SLC37A3: variants seen among roughly 807,000 people sequenced by gnomAD.
The protein encoded by SLC37A3 is sugar phosphate exchanger 3.
SLC37A3 carries 51 observed loss-of-function variants against 67.1 expected under a neutral mutation model. The observed-to-expected ratio is 0.76, with a 90% CI of 0.61 to 0.96. The LOEUF is 0.96. SLC37A3 is among the 40% of genes least tolerant of loss of function. SLC37A3 has a pLI of 0.00. For synonymous variants in SLC37A3, 214 were observed against 231.4 expected, an observed-to-expected ratio of 0.92 and a Z score of 0.68; for missense variants, 508 against 603.0, an observed-to-expected ratio of 0.84 and a Z score of 1.65.
intron 9 of SLC37A3, among the ~76,000 whole-genome samples, chr7:140,350,043 A>G (rs1418639238): frequency 7.2e-5 from 11 of 152,192 alleles, no homozygotes; most frequent in Admixed American, 7.2e-4. Flanking sequence ...GGAGGCACTG[A>G]CAGAAGGGGA....
chr7:140,354,192 C>A (rs575554259), intron 7 of SLC37A3, among the ~76,000 whole-genome samples: 34 of 152,196 alleles, frequency 2.2e-4, no homozygotes, highest in Non-Finnish European at 4.0e-4. Flanking sequence ...AATAAAGAAT[C>A]TTGTAGATGC....
At chr7:140,345,700 T>C (rs988477287) in intron 11 of SLC37A3, among the ~76,000 whole-genome samples, 169 bp downstream of exon 11, 7 of 152,108 alleles carry the variant, frequency 4.6e-5, no homozygotes, top group Admixed American at 4.6e-4. Flanking sequence ...AATAAAACTA[T>C]GTGATGACAG....
intron 6 of SLC37A3, among the ~76,000 whole-genome samples, chr7:140,357,330 A>G (rs1320139418): frequency 6.6e-6 from 1 of 152,216 alleles, no homozygotes; most frequent in Admixed American, 6.5e-5. Context: ...TTGTACACAA[A>G]TGTTCCCAGG....
intron 3 of SLC37A3, among the ~76,000 whole-genome samples, chr7:140,373,939 G>C (rs1003750312): frequency 6.6e-6 from 1 of 151,968 alleles, no homozygotes; most frequent in African/African-American, 2.4e-5. Context: ...TTTTGAAAAA[G>C]TCATTTTTCA....
At chr7:140,369,441 G>C in intron 4 of SLC37A3, 149 bp downstream of exon 4, 2 of 593,122 alleles carry the variant, frequency 3.4e-6, no homozygotes, top group Non-Finnish European at 5.9e-6. Flanking sequence ...ATGAATAAAT[G>C]AATGGGAAGA....
chr7:140,371,581 C>G (rs1441682259), intron 3 of SLC37A3, among the ~76,000 whole-genome samples: 2 of 152,110 alleles, frequency 1.3e-5, no homozygotes, highest in East Asian at 3.9e-4. Context: ...GAATAAGAAC[C>G]AAGTCTTACA....
At chr7:140,335,619 GA>G in intron 14 of SLC37A3, 115 bp from the exon 15 acceptor site, 1 of 1,266,142 alleles carries the variant, frequency 7.9e-7, no homozygotes, top group Non-Finnish European at 1.1e-6. Context: ...TTCATACAAA[GA>G]TAATGTTTAA....
intron 14 of SLC37A3, among the ~76,000 whole-genome samples, chr7:140,335,953 C>T (rs1454479874): frequency 6.6e-6 from 1 of 152,174 alleles, no homozygotes; most frequent in African/African-American, 2.4e-5. Context: ...ATGAAAGCTC[C>T]AAGGTATTCC....
chr7:140,346,017 G>A lies in SLC37A3; in HGVS notation c.1025-47C>T, dbSNP rs200290548. ...ATCAAAATCACTTCTAATTTAGCTC[G>A]CTCACCTGAGGCGTGCTCCCCATTT... On this transcript the variant is annotated intron_variant, in intron 10 of 14. Transcript: ENST00000326232. 59 of 1,397,114 alleles carry A rather than the reference G, an allele frequency of 4.2e-5. No individual in the cohort carries two copies. The Admixed American group carries it at 7.1e-4, about 17-fold the overall frequency. The allele number at this position is 1,397,114 out of a possible 1,614,324, so 86.5% of individuals were successfully genotyped here.
chr7:140,369,323 C>T (rs1308235666), intron 4 of SLC37A3, among the ~76,000 whole-genome samples: 3 of 152,184 alleles, frequency 2.0e-5, no homozygotes, highest in Non-Finnish European at 4.4e-5. Context: ...TACTGTCTGT[C>T]TCCCCTAACT....
chr7:140,345,802 A>C (rs935764353), intron 11 of SLC37A3, 67 bp downstream of exon 11: 1 of 1,308,200 alleles, frequency 7.6e-7, no homozygotes, highest in African/African-American at 1.4e-5. Flanking sequence ...CACTGACTCC[A>C]AACAAATGCC....
intron 13 of SLC37A3, among the ~76,000 whole-genome samples, chr7:140,341,964 G>T (rs1254846555): frequency 2.0e-5 from 3 of 152,120 alleles, no homozygotes; most frequent in Non-Finnish European, 4.4e-5. Flanking sequence ...CTTTGCTAAG[G>T]TTTTTGTTTC....
chr7:140,366,681 A>C (rs1322667045), intron 4 of SLC37A3, among the ~76,000 whole-genome samples: 2 of 152,148 alleles, frequency 1.3e-5, no homozygotes, highest in Non-Finnish European at 2.9e-5. Context: ...GCTCGAAGAG[A>C]AGCGAGCACC....
chr7:140,388,672 G>T (rs368655101), intron 1 of SLC37A3, among the ~76,000 whole-genome samples: 1 of 151,956 alleles, frequency 6.6e-6, no homozygotes, highest in Admixed American at 6.6e-5. Context: ...TTAGTTGGGC[G>T]TGGTAGCGGG....
intron 3 of SLC37A3, chr7:140,379,139 A>T (rs1798148064): frequency 6.6e-6 from 1 of 152,110 alleles, no homozygotes; most frequent in Admixed American, 6.6e-5. Flanking sequence ...CCAGCCTGGG[A>T]AACACGGCAA....
intron 4 of SLC37A3, among the ~76,000 whole-genome samples, chr7:140,367,307 T>C (rs1028198259): frequency 9.9e-5 from 15 of 151,544 alleles, no homozygotes; most frequent in Non-Finnish European, 1.8e-4. Flanking sequence ...CATGATGGTG[T>C]GCACCTGTAA....
chr7:140,357,991 A>C (rs536609807), intron 6 of SLC37A3, among the ~76,000 whole-genome samples: 9 of 151,256 alleles, frequency 6.0e-5, no homozygotes, highest in African/African-American at 1.7e-4. Flanking sequence ...CAGGAGAATC[A>C]CTTGAACCCC....
At chr7:140,335,631 T>A (rs1489398287) in intron 14 of SLC37A3, 127 bp from the exon 15 acceptor site, 34 of 1,167,576 alleles carry the variant, frequency 2.9e-5, no homozygotes, top group Non-Finnish European at 4.0e-5. Flanking sequence ...TAATGTTTAA[T>A]CTTCAATGAA....
intron 3 of SLC37A3, 21 bp from the exon 4 acceptor site, chr7:140,369,703 C>A: frequency 6.2e-7 from 1 of 1,604,072 alleles, no homozygotes; most frequent in Non-Finnish European, 8.5e-7. Flanking sequence ...ACAGCAGGAA[C>A]AGGTCAGTCC....
Sources: gnomAD v4.1 joint callset for allele counts (sites outside exome capture counted in the v4.1 genomes callset) on GRCh38, gnomAD v4.1.1 for gene constraint, MANE v1.5 for transcripts, NCBI Gene and HGNC (gene_info 2026-07-23, HGNC 2026-07-21) for gene names.